EMC3: variants seen among roughly 807,000 people sequenced by gnomAD.
EMC3 encodes the protein 30 kDa protein.
In EMC3, 13 loss-of-function variants were observed where a neutral mutation model predicts 36.6. That is an observed-to-expected ratio of 0.35 (90% CI 0.23 to 0.56). EMC3 has a LOEUF of 0.56. Among genes scored for constraint, EMC3 ranks in the 20% least tolerant of loss-of-function variants. The probability of loss-of-function intolerance (pLI) is 0.84; values close to 1 mark genes in which losing one functional copy is unlikely to be tolerated. For synonymous variants in EMC3, 120 were observed against 111.9 expected, an observed-to-expected ratio of 1.07 and a Z score of -0.46; for missense variants, 220 against 324.5, an observed-to-expected ratio of 0.68 and a Z score of 2.47.
Position 9,977,067 on chromosome 3 carries a change from A to G in EMC3, c.214-17T>C. The G allele has an allele frequency of 6.4e-7, 1 of 1,563,714 alleles. No homozygotes were observed. The highest frequency in any genetic ancestry group is 8.7e-7 in the Non-Finnish European group (1 of 1,148,608). On this transcript the variant is annotated splice_polypyrimidine_tract_variant and intron_variant, in intron 2 of 7. Coordinates refer to ENST00000245046, the MANE Select transcript of EMC3 (RefSeq NM_001394674.1). ...CAAGAAAGACTAGTAAAAAAAAAAA[A>G]AAGTGTTTTAAGTCTAAGAACTATG...
In EMC3 at chr3:9,986,605, G is replaced by A. The variant is rs141477509; in HGVS notation, c.57C>T (p.Pro19=). ...DSNIRLWVVL[P]IVIITFFVGM... The stretch of plus-strand genomic sequence containing the variant: ...CTACGAAGAAAGTGATGATAACGAT[G>A]GGTAGGACCACCCAGAGGCGGATGT... The change falls in exon 1 of 8, where the codon CCC becomes CCT. Residue 19 remains proline (P), a synonymous_variant. Transcript: ENST00000245046. The A allele has an allele frequency of 6.2e-6, 10 of 1,614,088 alleles. No individual in the cohort carries two copies. Among genetic ancestry groups the A allele is most frequent in the Middle Eastern group, 1.6e-4 (1 of 6,084 alleles).
At chr3:10,003,191 C>T (rs1273185689) in intron 1 of EMC3, 1 of 456,598 alleles carries the variant, frequency 2.2e-6, no homozygotes, top group African/African-American at 2.0e-5. Flanking sequence ...GGCAGAGACC[C>T]AGAAATGTCC....
At chr3:9,966,308 C>T (rs1207141580) in intron 7 of EMC3, among the ~76,000 whole-genome samples, 1 of 149,782 alleles carries the variant, frequency 6.7e-6, no homozygotes, top group Non-Finnish European at 1.5e-5. Flanking sequence ...CTGCAACCTC[C>T]GCCTCCCAGG....
At chr3:9,987,966 G>T, upstream of EMC3, 1 of 1,003,750 alleles carries the variant, frequency 1.0e-6, no homozygotes, top group Non-Finnish European at 1.6e-6. Context: ...CATCACTGTT[G>T]CAGGCTTTCC....
intron 5 of EMC3, 141 bp from the exon 6 acceptor site, chr3:9,970,802 C>A: frequency 1.4e-6 from 1 of 718,196 alleles, no homozygotes; most frequent in Non-Finnish European, 2.4e-6. Flanking sequence ...AGCACAACCA[C>A]AGAAGAAATA....
At chr3:10,007,576 G>T in intron 1 of EMC3, 1 of 1,367,608 alleles carries the variant, frequency 7.3e-7, no homozygotes, top group Non-Finnish European at 9.8e-7. Flanking sequence ...GGTGAGGCAG[G>T]CATCCTGGGT....
At chr3:10,003,083 A>G (rs1447984448) in intron 1 of EMC3, 1 of 456,598 alleles carries the variant, frequency 2.2e-6, no homozygotes, top group Non-Finnish European at 4.4e-6. Flanking sequence ...CCCTATACCC[A>G]GAGCAACAGC....
chr3:9,987,878 C>A (rs751760115), upstream of EMC3: 4 of 797,930 alleles, frequency 5.0e-6, no homozygotes, highest in Non-Finnish European at 8.8e-6. Flanking sequence ...ATGAGCAGAA[C>A]ACCATAGCTA....
At position 9,974,858 on chromosome 3, in the gene EMC3, T is replaced by TG. The variant is rs1491186547; in HGVS notation, c.308-371_308-370insC. Among the ~76,000 whole-genome samples the TG allele has an allele frequency of 9.3e-5, 7 of 75,088 alleles. 1 individual carries two copies. In the East Asian group the frequency reaches 1.2e-3, roughly 13 times the overall value. 49.3% of individuals were successfully genotyped at this position (75,088 alleles called of 152,430 possible). A position where few individuals can be genotyped will look rare whatever the true frequency, so the allele number is the denominator to read the frequency against. On this transcript the variant is annotated intron_variant, in intron 3 of 7. Coordinates refer to ENST00000245046, the MANE Select transcript of EMC3 (RefSeq NM_001394674.1). ...CAGGCGGGAGCCACCGCACCCAGCG[T>TG]TTTTTTTTTTTTTTTTTTTTGAGAT...
At chr3:9,988,599 G>C, upstream of EMC3, 1 of 900,864 alleles carries the variant, frequency 1.1e-6, no homozygotes, top group Non-Finnish European at 1.8e-6. Context: ...GATAGCTGAT[G>C]GTTGCCATAT....
At position 9,974,507 on chromosome 3, in the gene EMC3, C is replaced by A; in HGVS notation, c.308-19G>T. 6.6e-7 allele frequency: 1 copy of A among 1,513,220 alleles called. No individual in the cohort carries two copies. Among genetic ancestry groups the A allele is most frequent in the Non-Finnish European group, 9.2e-7 (1 of 1,089,338 alleles). The allele number at this position is 1,513,220 out of a possible 1,614,324, so 93.7% of individuals were successfully genotyped here. A position where few individuals can be genotyped will look rare whatever the true frequency, so the allele number is the denominator to read the frequency against. On this transcript the variant is annotated intron_variant, in intron 3 of 7. Transcript: ENST00000245046. The stretch of plus-strand genomic sequence containing the variant: ...GTAGGATCTAAGACAAAAGCACAAA[C>A]AAGAAACCACTAAGTTTTACCTCTG...
intron 1 of EMC3, chr3:10,007,410 G>A (rs766436036): frequency 4.5e-5 from 61 of 1,364,410 alleles, no homozygotes; most frequent in Non-Finnish European, 5.6e-5. Context: ...GGTCAGTGGC[G>A]GGGTGTGGTC....
chr3:9,992,219 C>G (rs2086062965), intron 1 of EMC3, among the ~76,000 whole-genome samples: 1 of 152,118 alleles, frequency 6.6e-6, no homozygotes, highest in South Asian at 2.1e-4. Flanking sequence ...CTCCCGGGTT[C>G]GAGTCGTTGA....
At chr3:9,987,292 C>T (rs2085988109), upstream of EMC3, 5 of 984,990 alleles carry the variant, frequency 5.1e-6, no homozygotes, top group Non-Finnish European at 6.0e-6. Context: ...TGGTCGTAGT[C>T]TCTCGAGGCC....
chr3:10,004,435 C>T (rs754609943), intron 1 of EMC3: 1 of 152,260 alleles, frequency 6.6e-6, no homozygotes, highest in Non-Finnish European at 1.5e-5. Flanking sequence ...TGGCCACCTA[C>T]CTTGTTTTGG....
At chr3:9,988,810 T>C, upstream of EMC3, 1 of 1,024,456 alleles carries the variant, frequency 9.8e-7, no homozygotes, top group Admixed American at 1.9e-5. Context: ...ATTGGCTAGC[T>C]TGCCTTCCCA....
Position 9,963,966 on chromosome 3 carries a change from C to G in EMC3, c.*103G>C. The G allele has an allele frequency of 1.9e-6, 3 of 1,547,596 alleles. No homozygotes were observed. The highest frequency in any genetic ancestry group is 2.6e-6 in the Non-Finnish European group (3 of 1,145,938). ...ACAAGCCTTGCTGCATGCCTGCCAG[C>G]TCGTGCATCCTCCTTTTTATTTCAA... On this transcript the variant is annotated 3_prime_UTR_variant, in exon 8 of 8. Coordinates refer to ENST00000245046, the MANE Select transcript of EMC3 (RefSeq NM_001394674.1).
At chr3:9,983,302 C>T (rs781020948) in intron 1 of EMC3, among the ~76,000 whole-genome samples, 1 of 151,984 alleles carries the variant, frequency 6.6e-6, no homozygotes, top group Non-Finnish European at 1.5e-5. Flanking sequence ...CACATGCCAC[C>T]GTGTCTGGTT....
In EMC3 at chr3:9,975,862, A is replaced by G. The variant is rs149956695; in HGVS notation, c.307+1095T>C. ...GATATCTTGTTTTAATTGATATTCC[A>G]TGGATTATTAGTGAGGTCAAGTAAC... On this transcript the variant is annotated intron_variant, in intron 3 of 7. Transcript: ENST00000245046. Among the ~76,000 whole-genome samples the G allele has an allele frequency of 1.3e-4, 19 of 151,396 alleles. No homozygotes were observed. The East Asian group carries it at 3.5e-3, about 28-fold the overall frequency.
Sources: gnomAD v4.1 joint callset for allele counts (sites outside exome capture counted in the v4.1 genomes callset) on GRCh38, gnomAD v4.1.1 for gene constraint, MANE v1.5 for transcripts, NCBI Gene and HGNC (gene_info 2026-07-23, HGNC 2026-07-21) for gene names.